The following EPB41L2 variants were observed in gnomAD, a reference collection of about 807,000 sequenced individuals.
The protein encoded by EPB41L2 is band 4.1-like protein 2.
In EPB41L2, 43 loss-of-function variants were observed where a neutral mutation model predicts 113.0. That is an observed-to-expected ratio of 0.38 (90% CI 0.30 to 0.49). The LOEUF is 0.49. EPB41L2 is among the 20% of genes least tolerant of loss of function. The pLI, the probability that EPB41L2 is intolerant of heterozygous loss-of-function variation, is 0.95. For missense variants in EPB41L2, 1,147 were observed against 1,223.4 expected, an observed-to-expected ratio of 0.94 and a Z score of 0.93; for synonymous variants, 442 against 436.7, an observed-to-expected ratio of 1.01 and a Z score of -0.15.
At chr6:131,017,902 C>A (rs1475286562) in intron 1 of EPB41L2, among the ~76,000 whole-genome samples, 1 of 152,180 alleles carries the variant, frequency 6.6e-6, no homozygotes, top group Non-Finnish European at 1.5e-5. Context: ...GGGTTATTGG[C>A]CATTTGAGTT....
intron 16 of EPB41L2, among the ~76,000 whole-genome samples, chr6:130,866,038 C>T (rs1748976602): frequency 6.6e-6 from 1 of 152,164 alleles, no homozygotes; most frequent in Admixed American, 6.5e-5. Flanking sequence ...AATAGATAAA[C>T]ATTTTATCAA....
rs71030723 is a variant in EPB41L2 at position 130,974,717 on chromosome 6, C to CTTTTTTTTTTTTTTTTTTTTTTTTTT, written c.-14-18244_-14-18219dup. On this transcript the variant is annotated intron_variant, in intron 1 of 19. Transcript: ENST00000337057. ...GGCAGCCTCTTTTTTCTTTTCTTTT[C>CTTTTTTTTTTTTTTTTTTTTTTTTTT]TTTTTTTTTTTTTTTTTTTTTTTTT... Among the ~76,000 whole-genome samples, 12 of 64,642 alleles carry CTTTTTTTTTTTTTTTTTTTTTTTTTT rather than the reference C, an allele frequency of 1.9e-4. 1 individual carries two copies. The highest frequency in any genetic ancestry group is 8.1e-4 in the South Asian group (1 of 1,236). The allele number at this position is 64,642 out of a possible 152,430, so 42.4% of individuals were successfully genotyped here. A position where few individuals can be genotyped will look rare whatever the true frequency, so the allele number is the denominator to read the frequency against.
At chr6:130,868,256 T>A (rs138244279) in intron 15 of EPB41L2, 186 of 152,624 alleles carry the variant, frequency 1.2e-3, no homozygotes, top group Admixed American at 2.8e-3. Context: ...TTTTCAGTTA[T>A]ACCTGTCTAA....
chr6:130,885,618 C>A (rs1583066578), intron 11 of EPB41L2, among the ~76,000 whole-genome samples: 2 of 152,254 alleles, frequency 1.3e-5, no homozygotes, highest in South Asian at 4.1e-4. Flanking sequence ...AGTATTTTAA[C>A]TCTTTGGTCT....
At chr6:130,872,393 G>A (rs1254759579) in intron 14 of EPB41L2, 21 of 1,288,714 alleles carry the variant, frequency 1.6e-5, no homozygotes, top group Non-Finnish European at 2.0e-5. Context: ...TGAGAAGGGC[G>A]AGGAAGAAAG....
At chr6:130,961,369 A>G (rs1421936116) in intron 1 of EPB41L2, among the ~76,000 whole-genome samples, 3 of 152,212 alleles carry the variant, frequency 2.0e-5, no homozygotes, top group Non-Finnish European at 4.4e-5. Flanking sequence ...TTAACATGCA[A>G]TGAAGCAGAA....
intron 3 of EPB41L2, among the ~76,000 whole-genome samples, chr6:130,945,240 C>T (rs1022418591): frequency 2.8e-4 from 42 of 152,052 alleles, no homozygotes; most frequent in African/African-American, 9.7e-4. Flanking sequence ...GAAATACCAC[C>T]TTGGAGGGTG....
At chr6:130,975,030 G>T (rs1348522975) in intron 1 of EPB41L2, among the ~76,000 whole-genome samples, 2 of 152,094 alleles carry the variant, frequency 1.3e-5, no homozygotes, top group Non-Finnish European at 2.9e-5. Flanking sequence ...AACCCAGAGA[G>T]GTGAAATAAC....
intron 16 of EPB41L2, among the ~76,000 whole-genome samples, chr6:130,866,206 C>T (rs963749119): frequency 1.3e-5 from 2 of 152,140 alleles, no homozygotes; most frequent in Non-Finnish European, 2.9e-5. Flanking sequence ...ACTGCACATA[C>T]GCATGTGCTC....
intron 11 of EPB41L2, among the ~76,000 whole-genome samples, chr6:130,888,596 G>A (rs1165288415): frequency 6.6e-6 from 1 of 152,152 alleles, no homozygotes; most frequent in African/African-American, 2.4e-5. Flanking sequence ...AACAGACAGT[G>A]TTCCAGAAAG....
chr6:130,857,645 G>A lies in EPB41L2; in HGVS notation c.*5+486C>T, dbSNP rs1396169270. Reference sequence around the variant, plus strand: ...GCAATGTTGGCTCACTGCAACCTCCGCCTCCCAGGTTGAAATGATTCTCCT... The same window carrying A: ...GCAATGTTGGCTCACTGCAACCTCCACCTCCCAGGTTGAAATGATTCTCCT... On this transcript the variant is annotated intron_variant, in intron 19 of 19. Transcript: ENST00000337057. Among the ~76,000 whole-genome samples, 11 of 129,002 alleles carry A rather than the reference G, an allele frequency of 8.5e-5. No individual in the cohort carries two copies. The Admixed American group carries it at 8.8e-4, about 10-fold the overall frequency. The allele number at this position is 129,002 out of a possible 152,430, so 84.6% of individuals were successfully genotyped here. A position where few individuals can be genotyped will look rare whatever the true frequency, so the allele number is the denominator to read the frequency against.
chr6:130,899,878 A>G (rs111644842), intron 7 of EPB41L2, among the ~76,000 whole-genome samples: 13 of 152,360 alleles, frequency 8.5e-5, no homozygotes, highest in South Asian at 2.1e-4. Context: ...AGTGTACAAC[A>G]TAAGTACTGG....
At chr6:131,006,276 C>T (rs925641471) in intron 1 of EPB41L2, among the ~76,000 whole-genome samples, 3 of 151,526 alleles carry the variant, frequency 2.0e-5, no homozygotes, top group Non-Finnish European at 2.9e-5. Flanking sequence ...AGGCTGGTCT[C>T]GAACTCCTGA....
At chr6:131,051,316 G>A (rs561255220) in intron 1 of EPB41L2, among the ~76,000 whole-genome samples, 1 of 151,924 alleles carries the variant, frequency 6.6e-6, no homozygotes, top group Non-Finnish European at 1.5e-5. Context: ...GCAATCTTGT[G>A]GAATTTTGTT....
At chr6:130,967,488 G>A (rs371942876) in intron 1 of EPB41L2, among the ~76,000 whole-genome samples, 2 of 152,100 alleles carry the variant, frequency 1.3e-5, no homozygotes, top group Non-Finnish European at 2.9e-5. Context: ...AAGATTATTC[G>A]TATTCTCTGC....
chr6:130,983,519 CTTTT>C (rs56940825), intron 1 of EPB41L2, among the ~76,000 whole-genome samples: 2 of 137,326 alleles, frequency 1.5e-5, no homozygotes, highest in Non-Finnish European at 1.6e-5. Flanking sequence ...CTACTATAGA[CTTTT>C]TTTTTTTTTT....
At chr6:130,874,588 T>C (rs943378233) in intron 14 of EPB41L2, among the ~76,000 whole-genome samples, 3 of 152,184 alleles carry the variant, frequency 2.0e-5, no homozygotes, top group Non-Finnish European at 1.5e-5. Context: ...TAAATGTTTG[T>C]TGGGCAAACG....
At chr6:130,928,270 AT>A (rs1039829718) in intron 3 of EPB41L2, among the ~76,000 whole-genome samples, 94 of 152,318 alleles carry the variant, frequency 6.2e-4, no homozygotes, top group Admixed American at 4.2e-3. Flanking sequence ...GAATAAGAGT[AT>A]TGGGCTCTGT....
intron 14 of EPB41L2, chr6:130,876,577 T>C: frequency 1.5e-6 from 1 of 661,352 alleles, no homozygotes. Flanking sequence ...AAAATTTTAG[T>C]ATGACACACA....
Sources: gnomAD v4.1 joint callset for allele counts (sites outside exome capture counted in the v4.1 genomes callset) on GRCh38, gnomAD v4.1.1 for gene constraint, MANE v1.5 for transcripts, NCBI Gene and HGNC (gene_info 2026-07-23, HGNC 2026-07-21) for gene names.